Variants in DLC1 observed in about 807,000 individuals in gnomAD.
DLC1 encodes the protein DLC1 Rho GTPase activating protein.
In DLC1, 54 loss-of-function variants were observed where a neutral mutation model predicts 140.3. The observed-to-expected ratio is 0.38, with a 90% CI of 0.31 to 0.48. The LOEUF is 0.48. Among genes scored for constraint, DLC1 ranks in the 20% least tolerant of loss-of-function variants. DLC1 has a pLI of 0.96. For missense variants in DLC1, 2,536 were observed against 1,907.0 expected, an observed-to-expected ratio of 1.33 and a Z score of -6.14; for synonymous variants, 986 against 728.1, an observed-to-expected ratio of 1.35 and a Z score of -5.70.
chr8:13,396,337 A>T (rs289568), intron 3 of DLC1, among the ~76,000 whole-genome samples: 2 of 152,046 alleles, frequency 1.3e-5, no homozygotes, highest in South Asian at 4.1e-4. Context: ...GAGATTACAG[A>T]CGTGAGCTGC....
chr8:13,401,301 T>G (rs1404615444), intron 3 of DLC1, among the ~76,000 whole-genome samples, 169 bp downstream of exon 3: 1 of 152,206 alleles, frequency 6.6e-6, no homozygotes, highest in Non-Finnish European at 1.5e-5. Flanking sequence ...GAATTATGCA[T>G]AGAATGTATG....
chr8:13,455,360 A>T lies in DLC1; in HGVS notation c.1023+43689T>A, dbSNP rs371085733. Among the ~76,000 whole-genome samples, 39 of 152,228 alleles carry T rather than the reference A, an allele frequency of 2.6e-4. 1 individual carries two copies. The East Asian group carries it at 3.9e-3, about 15-fold the overall frequency. On this transcript the variant is annotated intron_variant, in intron 2 of 17. Coordinates refer to ENST00000276297, the MANE Select transcript of DLC1 (RefSeq NM_182643.3). ...ACACTTCCTCTCCTCAAAGCACTCC[A>T]AGTGTCCCATGACATTCAGAACAGG...
At chr8:13,484,447 T>A (rs1438495945) in intron 2 of DLC1, among the ~76,000 whole-genome samples, 2 of 152,172 alleles carry the variant, frequency 1.3e-5, no homozygotes, top group East Asian at 3.9e-4. Context: ...ACATTTTTAA[T>A]TTCTGAAATA....
At chr8:13,325,822 G>T (rs1007018389) in intron 4 of DLC1, among the ~76,000 whole-genome samples, 1 of 152,166 alleles carries the variant, frequency 6.6e-6, no homozygotes, top group African/African-American at 2.4e-5. Flanking sequence ...TCCAATTAAA[G>T]TAAGAAAATA....
rs569607267 is a variant in DLC1 at position 13,482,370 on chromosome 8, T to C, written c.1023+16679A>G. ...AGAGAGAGAGTTTAACTTTTCATTT[T>C]ATAATTTCTTTTGCCATGTGCATGT... is the stretch of plus-strand genomic sequence containing the variant. On this transcript the variant is annotated intron_variant, in intron 2 of 17. Coordinates refer to ENST00000276297, the MANE Select transcript of DLC1 (RefSeq NM_182643.3). 1.6e-4 allele frequency among the ~76,000 whole-genome samples: 24 copies of C among 152,130 alleles called. No individual in the cohort carries two copies. In the South Asian group the frequency reaches 5.0e-3, roughly 32 times the overall value.
intron 5 of DLC1, among the ~76,000 whole-genome samples, chr8:13,208,345 T>G (rs1157581010): frequency 6.6e-6 from 1 of 152,186 alleles, no homozygotes; most frequent in Non-Finnish European, 1.5e-5. Context: ...GGACTAAATT[T>G]AGAAACACAG....
chr8:13,537,996 G>C (rs894054256), intron 1 of DLC1, among the ~76,000 whole-genome samples: 7 of 152,194 alleles, frequency 4.6e-5, no homozygotes, highest in African/African-American at 1.4e-4. Context: ...TCCACGCTTT[G>C]GGCTAAGCAA....
At chr8:13,601,755 T>G (rs1232718616) in intron 1 of DLC1, among the ~76,000 whole-genome samples, 1 of 151,658 alleles carries the variant, frequency 6.6e-6, no homozygotes, top group Admixed American at 6.6e-5. Flanking sequence ...ACAATTAATT[T>G]TTACTATATA....
intron 5 of DLC1, among the ~76,000 whole-genome samples, chr8:13,156,566 C>T (rs901149246): frequency 2.6e-5 from 4 of 152,186 alleles, no homozygotes; most frequent in African/African-American, 7.2e-5. Context: ...TGGCGGGCTG[C>T]GCATGCACAC....
At chr8:13,557,404 G>A (rs534151168) in intron 1 of DLC1, among the ~76,000 whole-genome samples, 3 of 152,288 alleles carry the variant, frequency 2.0e-5, no homozygotes, top group African/African-American at 4.8e-5. Flanking sequence ...AGTAAAGGAT[G>A]TGAGAAGAGT....
intron 5 of DLC1, among the ~76,000 whole-genome samples, chr8:13,279,160 G>A (rs745339439): frequency 6.6e-6 from 1 of 152,200 alleles, no homozygotes; most frequent in Non-Finnish European, 1.5e-5. Flanking sequence ...GCAGAATCCT[G>A]AGTCTGCAGA....
rs187536910 is a variant in DLC1, at chr8:13,429,431, C to T, written c.1024-27812G>A. Among the ~76,000 whole-genome samples the T allele has an allele frequency of 4.6e-3, 610 of 132,620 alleles. 4 individuals are homozygous for T. The highest frequency in any genetic ancestry group is 7.1e-3 in the Non-Finnish European group (406 of 57,204). The allele number at this position is 132,620 out of a possible 152,430, so 87.0% of individuals were successfully genotyped here. Reference sequence around the variant, plus strand: ...TAATAAATTTGGGATAAAGTCTAGGCATCCATATTAAAAACAAACAAAAAA... The same window carrying T: ...TAATAAATTTGGGATAAAGTCTAGGTATCCATATTAAAAACAAACAAAAAA... On this transcript the variant is annotated intron_variant, in intron 2 of 17. Coordinates refer to ENST00000276297, the MANE Select transcript of DLC1 (RefSeq NM_182643.3).
intron 1 of DLC1, among the ~76,000 whole-genome samples, chr8:13,594,888 A>C (rs1805633695): frequency 6.6e-6 from 1 of 151,818 alleles, no homozygotes; most frequent in African/African-American, 2.4e-5. Context: ...AATTTATTTC[A>C]CCGTCCCTTT....
At chr8:13,529,093 T>A (rs956968046) in intron 1 of DLC1, among the ~76,000 whole-genome samples, 7 of 152,158 alleles carry the variant, frequency 4.6e-5, no homozygotes, top group African/African-American at 1.7e-4. Flanking sequence ...AAACATACGA[T>A]GTATAAGCGA....
chr8:13,537,135 C>T (rs1449180108), intron 1 of DLC1, among the ~76,000 whole-genome samples: 1 of 150,182 alleles, frequency 6.7e-6, no homozygotes, highest in African/African-American at 2.5e-5. Context: ...TAAAAAAAAA[C>T]CACTAGTCTG....
At chr8:13,360,379 A>G (rs1835165702) in intron 4 of DLC1, among the ~76,000 whole-genome samples, 1 of 152,214 alleles carries the variant, frequency 6.6e-6, no homozygotes, top group East Asian at 1.9e-4. Flanking sequence ...ATATATTGGT[A>G]TTATAAAAGC....
chr8:13,397,205 G>C (rs914886711), intron 3 of DLC1, among the ~76,000 whole-genome samples: 5 of 152,116 alleles, frequency 3.3e-5, no homozygotes, highest in African/African-American at 1.2e-4. Flanking sequence ...TCTCACTGCT[G>C]ACCCTCAATA....
chr8:13,532,799 T>C (rs1305221547), intron 1 of DLC1, among the ~76,000 whole-genome samples: 1 of 152,138 alleles, frequency 6.6e-6, no homozygotes, highest in Non-Finnish European at 1.5e-5. Context: ...GTGTAATACT[T>C]CTTATTATAA....
intron 1 of DLC1, among the ~76,000 whole-genome samples, chr8:13,521,542 C>T (rs141762833): frequency 9.7e-4 from 147 of 152,268 alleles, no homozygotes; most frequent in African/African-American, 3.3e-3. Flanking sequence ...GTGCAACTGC[C>T]TGTCTTCAGT....
Sources: allele counts gnomAD v4.1 joint callset (sites outside exome capture counted in the v4.1 genomes callset), GRCh38; gene constraint gnomAD v4.1.1; transcripts MANE v1.5; gene names NCBI Gene and HGNC (gene_info 2026-07-23, HGNC 2026-07-21).